TRPS1: variants seen among roughly 807,000 people sequenced by gnomAD.
TRPS1 encodes zinc finger transcription factor Trps1.
TRPS1 carries 6 observed loss-of-function variants against 101.2 expected under a neutral mutation model. The observed-to-expected ratio is 0.06, with a 90% CI of 0.03 to 0.12. The LOEUF is 0.12. TRPS1 is among the 10% of genes least tolerant of loss of function. TRPS1 has a pLI of 1.00. For missense variants in TRPS1, 1,363 were observed against 1,567.0 expected, an observed-to-expected ratio of 0.87 and a Z score of 2.20; for synonymous variants, 578 against 589.8, an observed-to-expected ratio of 0.98 and a Z score of 0.29.
intron 4 of TRPS1, among the ~76,000 whole-genome samples, chr8:115,593,066 C>T (rs375965305): frequency 1.1e-3 from 173 of 152,188 alleles, no homozygotes; most frequent in African/African-American, 3.9e-3. Flanking sequence ...GATCCTCCCA[C>T]GTCAGCCTCC....
chr8:115,541,751 T>C (rs1816459006), intron 5 of TRPS1, among the ~76,000 whole-genome samples: 1 of 152,200 alleles, frequency 6.6e-6, no homozygotes, highest in Non-Finnish European at 1.5e-5. Context: ...GGATGTATTT[T>C]AAAGGACCAC....
In TRPS1 at chr8:115,478,695, T is replaced by C. The variant is rs191553327; in HGVS notation, c.2701-60243A>G. On this transcript the variant is annotated intron_variant, in intron 5 of 6. Coordinates refer to ENST00000395715, the MANE Select transcript of TRPS1 (RefSeq NM_014112.5). Reference sequence around the variant, plus strand: ...GGCAGGTGCCTGTAATCCCAGCTACTTGGGTGGCTGAAGCAGAAGAATTGC... The same window carrying C: ...GGCAGGTGCCTGTAATCCCAGCTACCTGGGTGGCTGAAGCAGAAGAATTGC... Among the ~76,000 whole-genome samples, 860 of 151,740 alleles carry C rather than the reference T, an allele frequency of 5.7e-3. 11 individuals carry two copies. The highest frequency in any genetic ancestry group is 0.02 in the African/African-American group (823 of 41,342).
chr8:115,551,654 A>C (rs1247535578), intron 5 of TRPS1, among the ~76,000 whole-genome samples: 1 of 152,224 alleles, frequency 6.6e-6, no homozygotes, highest in Non-Finnish European at 1.5e-5. Flanking sequence ...AATGATTCAT[A>C]GTATAAAGTT....
chr8:115,427,819 CAG>C (rs1813223850), intron 5 of TRPS1, among the ~76,000 whole-genome samples: 1 of 123,138 alleles, frequency 8.1e-6, no homozygotes, highest in African/African-American at 3.3e-5. Flanking sequence ...GCCAGAGGAA[CAG>C]AGCACTTGGC....
At chr8:115,558,035 T>C (rs1323278034) in intron 5 of TRPS1, among the ~76,000 whole-genome samples, 2 of 149,620 alleles carry the variant, frequency 1.3e-5, no homozygotes, top group Non-Finnish European at 3.0e-5. Context: ...AGAATCCAAG[T>C]AACCAGATTT....
At chr8:115,554,488 C>T (rs1364055665) in intron 5 of TRPS1, among the ~76,000 whole-genome samples, 1 of 152,096 alleles carries the variant, frequency 6.6e-6, no homozygotes, top group Non-Finnish European at 1.5e-5. Context: ...AAACAATGCA[C>T]AAAATAAAAT....
intron 5 of TRPS1, among the ~76,000 whole-genome samples, chr8:115,530,721 A>G (rs977113361): frequency 1.4e-4 from 21 of 152,290 alleles, no homozygotes; most frequent in African/African-American, 4.6e-4. Flanking sequence ...AAAATGTGGC[A>G]CATATACACC....
At chr8:115,464,305 G>C (rs147573469) in intron 5 of TRPS1, among the ~76,000 whole-genome samples, 1 of 152,182 alleles carries the variant, frequency 6.6e-6, no homozygotes, top group African/African-American at 2.4e-5. Context: ...TTCCCTGTTT[G>C]ATTTTATACA....
intron 5 of TRPS1, among the ~76,000 whole-genome samples, chr8:115,439,469 A>G (rs1009233617): frequency 1.8e-4 from 28 of 152,374 alleles, no homozygotes; most frequent in Non-Finnish European, 2.4e-4. Flanking sequence ...AAATGTGGTT[A>G]ACTATGTAAT....
At chr8:115,467,918 T>C (rs1214730524) in intron 5 of TRPS1, among the ~76,000 whole-genome samples, 1 of 152,144 alleles carries the variant, frequency 6.6e-6, no homozygotes, top group African/African-American at 2.4e-5. Context: ...ACAGAGATGT[T>C]ACCCAAGAGT....
At position 115,445,953 on chromosome 8, in the gene TRPS1, G is replaced by T. The variant is rs1208750146; in HGVS notation, c.2701-27501C>A. Reference sequence around the variant, plus strand: ...AATATATGATGAATATATTTATTATGAAGTTTTTTTCCCAGTAAATTCAAT... The same window carrying T: ...AATATATGATGAATATATTTATTATTAAGTTTTTTTCCCAGTAAATTCAAT... On this transcript the variant is annotated intron_variant, in intron 5 of 6. Coordinates refer to ENST00000395715, the MANE Select transcript of TRPS1 (RefSeq NM_014112.5). Among the ~76,000 whole-genome samples, 3 of 152,194 alleles carry T rather than the reference G, an allele frequency of 2.0e-5. No homozygotes were observed. In the East Asian group the frequency reaches 5.8e-4, roughly 29 times the overall value.
chr8:115,496,532 C>T (rs1372991002), intron 5 of TRPS1, among the ~76,000 whole-genome samples: 2 of 152,044 alleles, frequency 1.3e-5, no homozygotes, highest in Non-Finnish European at 2.9e-5. Context: ...ACGAGTTTGT[C>T]TATTTAAAAA....
intron 5 of TRPS1, among the ~76,000 whole-genome samples, chr8:115,537,123 T>G (rs1816342324): frequency 6.6e-6 from 1 of 152,094 alleles, no homozygotes; most frequent in South Asian, 2.1e-4. Flanking sequence ...TATTAGATGA[T>G]TCCCCCACCC....
intron 5 of TRPS1, among the ~76,000 whole-genome samples, chr8:115,559,249 A>G (rs1044274557): frequency 2.6e-5 from 4 of 152,142 alleles, no homozygotes; most frequent in African/African-American, 7.2e-5. Context: ...GAGCATTTCA[A>G]TATGTTACCC....
intron 5 of TRPS1, among the ~76,000 whole-genome samples, chr8:115,543,840 A>T (rs1816510649): frequency 7.6e-6 from 1 of 132,272 alleles, no homozygotes; most frequent in African/African-American, 3.0e-5. Flanking sequence ...TCCTGACAAA[A>T]ATAATTTAAG....
At chr8:115,642,227 A>G (rs1259341218) in intron 1 of TRPS1, among the ~76,000 whole-genome samples, 3 of 1,368 alleles carry the variant, frequency 2.2e-3, no homozygotes, top group African/African-American at 5.1e-3. Flanking sequence ...AAAAGAAAAA[A>G]AAAAGAAAAG....
intron 5 of TRPS1, among the ~76,000 whole-genome samples, chr8:115,455,378 T>C (rs1813991020): frequency 6.6e-6 from 1 of 152,222 alleles, no homozygotes; most frequent in Non-Finnish European, 1.5e-5. Flanking sequence ...GAAGCTATAA[T>C]TTGTGAGTGC....
intron 5 of TRPS1, among the ~76,000 whole-genome samples, chr8:115,577,301 CTTGT>C (rs943000694): frequency 6.6e-6 from 1 of 151,942 alleles, no homozygotes; most frequent in Admixed American, 6.6e-5. Context: ...AGTGGCTTAA[CTTGT>C]TTGTCTTAAA....
intron 4 of TRPS1, among the ~76,000 whole-genome samples, chr8:115,595,522 T>C (rs1413778648): frequency 5.3e-5 from 8 of 151,918 alleles, no homozygotes; most frequent in African/African-American, 1.9e-4. Flanking sequence ...ATTTGCTCAG[T>C]AATAGTAACT....
Sources: allele counts gnomAD v4.1 joint callset (sites outside exome capture counted in the v4.1 genomes callset), GRCh38; gene constraint gnomAD v4.1.1; transcripts MANE v1.5; gene names NCBI Gene and HGNC (gene_info 2026-07-23, HGNC 2026-07-21).